OSTF1: variants seen among roughly 807,000 people sequenced by gnomAD.
OSTF1 encodes the protein osteoclast stimulating factor 1.
OSTF1 carries 27 observed loss-of-function variants against 37.2 expected under a neutral mutation model. The ratio of observed to expected loss-of-function variants is 0.73; its 90% CI spans 0.54 to 1.00. The LOEUF is 1.00. Ranked by LOEUF, OSTF1 falls within the 50% of genes least tolerant of loss-of-function variation. The probability of loss-of-function intolerance (pLI) is 0.00; values close to 1 mark genes in which losing one functional copy is unlikely to be tolerated. For missense variants in OSTF1, 232 were observed against 253.8 expected, an observed-to-expected ratio of 0.91 and a Z score of 0.58; for synonymous variants, 82 against 89.2, an observed-to-expected ratio of 0.92 and a Z score of 0.46.
At chr9:75,105,322 A>G (rs1251703794) in intron 1 of OSTF1, among the ~76,000 whole-genome samples, 3 of 152,190 alleles carry the variant, frequency 2.0e-5, no homozygotes, top group Non-Finnish European at 4.4e-5. Flanking sequence ...AAAGGGCCAA[A>G]TAGTAAATAC....
chr9:75,133,905 A>G (rs1054575164), intron 6 of OSTF1, among the ~76,000 whole-genome samples: 5 of 152,210 alleles, frequency 3.3e-5, no homozygotes, highest in Non-Finnish European at 5.9e-5. Flanking sequence ...TTCCTGGACA[A>G]AAATTTATCA....
chr9:75,115,816 A>G (rs1825479009), intron 1 of OSTF1, among the ~76,000 whole-genome samples: 1 of 152,108 alleles, frequency 6.6e-6, no homozygotes, highest in Non-Finnish European at 1.5e-5. Flanking sequence ...AAAAAATAAC[A>G]ATATTGTTCA....
chr9:75,131,906 A>G lies in OSTF1; in HGVS notation c.250+83A>G, dbSNP rs1825767072. The G allele has an allele frequency of 7.6e-6, 7 of 922,080 alleles. 1 individual carries two copies. Among genetic ancestry groups the G allele is most frequent in the Admixed American group, 1.9e-5 (1 of 53,560 alleles). 57.1% of individuals were successfully genotyped at this position (922,080 alleles called of 1,614,324 possible). A position where few individuals can be genotyped will look rare whatever the true frequency, so the allele number is the denominator to read the frequency against. On this transcript the variant is annotated intron_variant, in intron 5 of 9. Transcript: ENST00000346234. Reference sequence around the variant, plus strand: ...TTAGCTTTGACAAGTGCATACACCCACGTAACCAACACCCAGATCAAGATC... The same window carrying G: ...TTAGCTTTGACAAGTGCATACACCCGCGTAACCAACACCCAGATCAAGATC...
At chr9:75,106,620 G>T (rs1275298971) in intron 1 of OSTF1, among the ~76,000 whole-genome samples, 2 of 145,464 alleles carry the variant, frequency 1.4e-5, no homozygotes, top group African/African-American at 5.2e-5. Context: ...ACTCCAGCTT[G>T]GGCAACAAGA....
chr9:75,130,540 G>C (rs773674324), intron 3 of OSTF1, 38 bp from the exon 4 acceptor site: 1 of 1,384,510 alleles, frequency 7.2e-7, no homozygotes, highest in East Asian at 2.3e-5. Flanking sequence ...AATGCAGTCT[G>C]GATTTCATAC....
Position 75,128,385 on chromosome 9 carries a change from T to TTTTTTTTTTGTCC in OSTF1, c.132+766_132+767insTTTTTTTTTGTCC, listed in dbSNP as rs1330797193. Among the ~76,000 whole-genome samples the TTTTTTTTTTGTCC allele has an allele frequency of 8.1e-4, 73 of 90,012 alleles. 4 individuals carry two copies. Among genetic ancestry groups the TTTTTTTTTTGTCC allele is most frequent in the African/African-American group, 3.3e-3 (65 of 19,830 alleles). The allele number at this position is 90,012 out of a possible 152,430, so 59.1% of individuals were successfully genotyped here. On this transcript the variant is annotated intron_variant, in intron 3 of 9. Transcript: ENST00000346234. ...AGACATATATATATATATATATATA[T>TTTTTTTTTTGTCC]ATATATATATATATATATATATTTT... is the stretch of plus-strand genomic sequence containing the variant.
intron 2 of OSTF1, 91 bp from the exon 3 acceptor site, chr9:75,127,478 C>A: frequency 2.9e-6 from 2 of 689,804 alleles, no homozygotes; most frequent in Non-Finnish European, 4.9e-6. Flanking sequence ...AACCACATTG[C>A]TTATTAGAAT....
chr9:75,095,896 C>CT (rs565056095), intron 1 of OSTF1, among the ~76,000 whole-genome samples: 8,510 of 146,144 alleles, frequency 0.058, 281 homozygotes, highest in Admixed American at 0.089. Flanking sequence ...TGTGGCCCCC[C>CT]TTTTTTTTTT....
intron 7 of OSTF1, 60 bp downstream of exon 7, chr9:75,134,455 G>A: frequency 1.2e-6 from 1 of 818,090 alleles, no homozygotes; most frequent in Non-Finnish European, 2.1e-6. Context: ...TTAGTACAGA[G>A]CAACTCATGG....
At chr9:75,130,013 AT>A (rs200767616) in intron 3 of OSTF1, among the ~76,000 whole-genome samples, 5,619 of 152,272 alleles carry the variant, frequency 0.037, 137 homozygotes, top group African/African-American at 0.066. Context: ...TCTAGAATTT[AT>A]TTTAAAATAA....
chr9:75,137,863 A>G (rs1290291572), intron 8 of OSTF1, among the ~76,000 whole-genome samples: 1 of 152,358 alleles, frequency 6.6e-6, no homozygotes, highest in Non-Finnish European at 1.5e-5. Flanking sequence ...TTTTAGTAAG[A>G]ACTGTATTGT....
chr9:75,139,515 G>A (rs1236428163), intron 8 of OSTF1, among the ~76,000 whole-genome samples: 1 of 152,062 alleles, frequency 6.6e-6, no homozygotes, highest in Non-Finnish European at 1.5e-5. Context: ...TGCAGTCTCC[G>A]CCTCCTGGAT....
rs1255823942 is a variant in OSTF1 at position 75,088,720 on chromosome 9, A to G, written c.28A>G (p.Lys10Glu). MSKPPPKPV[K>E]PGQVKVFRAL... ...GTCGAAGCCGCCACCCAAACCAGTCAAACCAGGTGAGGGAGGTAAGGTAGG... is the reference window on the plus strand; with the variant it reads ...GTCGAAGCCGCCACCCAAACCAGTCGAACCAGGTGAGGGAGGTAAGGTAGG... The change falls in exon 1 of 10, where the codon AAA (lysine) becomes GAA (glutamate). Residue 10 changes from lysine (K) to glutamate (E), a missense_variant. Lys to Glu is a moderately conservative substitution (Grantham distance 56). Transcript: ENST00000346234. The G allele has an allele frequency of 2.5e-6, 4 of 1,609,034 alleles. No individual in the cohort carries two copies. The Admixed American group carries it at 6.7e-5, about 27-fold the overall frequency.
chr9:75,133,953 T>G (rs937816623), intron 6 of OSTF1, among the ~76,000 whole-genome samples: 9 of 152,250 alleles, frequency 5.9e-5, no homozygotes, highest in Admixed American at 2.6e-4. Context: ...ACAAAAGAAA[T>G]AAACTCAACA....
intron 8 of OSTF1, among the ~76,000 whole-genome samples, chr9:75,139,043 TTTCTTTC>T (rs1825889542): frequency 7.1e-6 from 1 of 140,904 alleles, no homozygotes; most frequent in African/African-American, 3.0e-5. Flanking sequence ...TCTTTCTTTC[TTTCTTTC>T]TTTCTTTTTT....
At chr9:75,116,856 G>A (rs955293946) in intron 1 of OSTF1, among the ~76,000 whole-genome samples, 10 of 151,958 alleles carry the variant, frequency 6.6e-5, no homozygotes, top group African/African-American at 2.4e-4. Flanking sequence ...ATTTTTCAGA[G>A]GTGTGTGTCT....
chr9:75,133,525 C>T (rs1825799223), intron 6 of OSTF1, 124 bp downstream of exon 6: 1 of 611,450 alleles, frequency 1.6e-6, no homozygotes, highest in Non-Finnish European at 2.9e-6. Context: ...CTTTAGAATA[C>T]CGGCCAAAAC....
intron 5 of OSTF1, among the ~76,000 whole-genome samples, chr9:75,132,649 T>C (rs939102642): frequency 7.9e-5 from 12 of 152,202 alleles, no homozygotes; most frequent in African/African-American, 2.4e-4. Context: ...CATTCCATTT[T>C]TAGATTTTTT....
intron 2 of OSTF1, among the ~76,000 whole-genome samples, chr9:75,120,682 C>G (rs1231962287): frequency 1.3e-5 from 2 of 152,172 alleles, no homozygotes; most frequent in Non-Finnish European, 2.9e-5. Context: ...CATCTGTCGT[C>G]TGAGCTAGAT....
Sources: gnomAD v4.1 joint callset for allele counts (sites outside exome capture counted in the v4.1 genomes callset) on GRCh38, gnomAD v4.1.1 for gene constraint, MANE v1.5 for transcripts, NCBI Gene and HGNC (gene_info 2026-07-23, HGNC 2026-07-21) for gene names.